The following PLP1 variants were observed in gnomAD, a reference collection of about 807,000 sequenced individuals.
The protein encoded by PLP1 is proteolipid protein 1.
A neutral mutation model predicts 18.5 loss-of-function variants in PLP1; 2 were observed. The observed-to-expected ratio is 0.11, with a 90% CI of 0.04 to 0.34. PLP1 has a LOEUF of 0.34. PLP1 is among the 10% of genes least tolerant of loss of function. PLP1 has a pLI of 1.00. For missense variants in PLP1, 105 were observed against 207.3 expected (o/e 0.51, Z 3.03); for synonymous variants, 86 against 83.2 (o/e 1.03, Z -0.19).
At position 103,786,061 on chromosome X, in the gene PLP1, G is replaced by A. The variant is rs766768168; in HGVS notation, c.191+293G>A. The A allele has an allele frequency of 1.1e-5, 11 of 1,040,476 alleles. No homozygotes were observed. The South Asian group carries it at 1.2e-4, about 11-fold the overall frequency. 85.7% of individuals were successfully genotyped at this position (1,040,476 alleles called of 1,213,427 possible). A position where few individuals can be genotyped will look rare whatever the true frequency, so the allele number is the denominator to read the frequency against. On this transcript the variant is annotated intron_variant, in intron 2 of 6. Transcript: ENST00000621218. ...TATTGCCCAAGTTGGAGCCTCCAGC[G>A]TAGTAGGTATGGAGAAGCCAAGGGA...
Position 103,776,958 on chromosome X carries a change from A to C in PLP1, c.-38A>C, listed in dbSNP as rs766835727. ...AACAAAGTCAGCCACAAAGCAGACT[A>C]GCCAGCCGGCTACAATTGGAGTCAG... On this transcript the variant is annotated 5_prime_UTR_variant, in exon 1 of 7. Transcript: ENST00000621218. 3.3e-6 allele frequency: 4 copies of C among 1,196,191 alleles called. No homozygotes were observed. The South Asian group carries it at 7.1e-5, about 21-fold the overall frequency.
chrX:103,786,191 G>T, intron 2 of PLP1: 1 of 1,129,762 alleles, frequency 8.9e-7, no homozygotes, highest in Non-Finnish European at 1.2e-6. Flanking sequence ...TGTCTGAAGG[G>T]TGGGGCAGGG....
intron 1 of PLP1, among the ~76,000 whole-genome samples, chrX:103,783,952 T>C (rs2074474117): frequency 8.9e-6 from 1 of 112,229 alleles, no homozygotes; most frequent in Non-Finnish European, 1.9e-5. Flanking sequence ...CATATATTTA[T>C]ATATATACAT....
intron 3 of PLP1, chrX:103,787,457 C>T (rs2074506579): frequency 1.3e-5 from 4 of 318,915 alleles, no homozygotes; most frequent in East Asian, 1.3e-4. Flanking sequence ...GTTCTAAGCT[C>T]AGCCTAAGGC....
chrX:103,779,263 G>T (rs895268921), intron 1 of PLP1, among the ~76,000 whole-genome samples: 1 of 112,346 alleles, frequency 8.9e-6, no homozygotes, highest in African/African-American at 3.2e-5. Flanking sequence ...GTTGTCGTCT[G>T]AGAACAGTGG....
chrX:103,778,120 A>G (rs761098066), intron 1 of PLP1, among the ~76,000 whole-genome samples: 19 of 112,113 alleles, frequency 1.7e-4, no homozygotes, highest in Non-Finnish European at 2.8e-4. Context: ...CAGATCTGCT[A>G]CTTATGAACT....
chrX:103,787,611 G>A (rs995401810), intron 3 of PLP1, 187 bp from the exon 4 acceptor site: 5 of 472,915 alleles, frequency 1.1e-5, no homozygotes, highest in African/African-American at 7.2e-5. Context: ...TTATACTGGG[G>A]CCAGTTATCT....
chrX:103,787,944 C>T lies in PLP1; in HGVS notation c.600C>T (p.Leu200=), dbSNP rs779819142. ...AGACCTCTGCCAGTATAGGCAGTCT[C>T]TGTGCTGATGCCAGAATGTATGGTG... The part of the protein sequence containing the change: ...PSKTSASIGS[L]CADARMYGVL... Residue 200 remains leucine (L), a synonymous_variant, in exon 4 of 7, where the codon CTC becomes CTT. Coordinates refer to ENST00000621218, the MANE Select transcript of PLP1 (RefSeq NM_000533.5). 9.1e-6 allele frequency: 11 copies of T among 1,208,217 alleles called. No homozygotes were observed. Among genetic ancestry groups the T allele is most frequent in the Non-Finnish European group, 2.2e-6 (2 of 893,332 alleles).
rs1041593956 is a variant in PLP1, at chrX:103,783,129, C to A, written c.5-2453C>A. On this transcript the variant is annotated intron_variant, in intron 1 of 6. Coordinates refer to ENST00000621218, the MANE Select transcript of PLP1 (RefSeq NM_000533.5). ...TTAACCTGTTGAGAAAGAGGAAGAT[C>A]AATTTCTGGAATGTTTTCTGAGAAC... 3.6e-5 allele frequency among the ~76,000 whole-genome samples: 4 copies of A among 111,428 alleles called. No individual in the cohort carries two copies. In the Admixed American group the frequency reaches 3.8e-4, roughly 11 times the overall value.
intron 3 of PLP1, 79 bp from the exon 4 acceptor site, chrX:103,787,719 A>G: frequency 2.3e-6 from 2 of 863,467 alleles, no homozygotes; most frequent in Non-Finnish European, 3.5e-6. Flanking sequence ...GGCACACGCC[A>G]CTCCAGGATC....
At chrX:103,782,805 C>CG (rs1556260850) in intron 1 of PLP1, among the ~76,000 whole-genome samples, 1 of 85 alleles carries the variant, frequency 0.012, no homozygotes, top group African/African-American at 0.045. Context: ...CCCCACCCCC[C>CG]GGCTGCAGGC....
Position 103,786,632 on chromosome X carries a change from G to T in PLP1, c.359G>T (p.Gly120Val). The change falls in exon 3 of 7, where the codon GGC becomes GTC. Residue 120 changes from glycine to valine, a missense_variant. Transcript: ENST00000621218. ...GGCCTGAGCGCAACGGTAACAGGGGGCCAGAAGGGGAGGGGTTCCAGAGGC... is the reference window on the plus strand; with the variant it reads ...GGCCTGAGCGCAACGGTAACAGGGGTCCAGAAGGGGAGGGGTTCCAGAGGC... ...GKGLSATVTGGQKGRGSRGQH... is the reference protein window; with the variant it reads ...GKGLSATVTGVQKGRGSRGQH... The T allele has an allele frequency of 8.3e-7, 1 of 1,211,419 alleles. No individual in the cohort carries two copies.
intron 1 of PLP1, among the ~76,000 whole-genome samples, chrX:103,784,717 C>G (rs1456175224): frequency 8.9e-6 from 1 of 112,263 alleles, no homozygotes; most frequent in Non-Finnish European, 1.9e-5. Flanking sequence ...CCTGGAACTC[C>G]AAGTGCATTT....
chrX:103,776,635 A>C (rs1161068533), upstream of PLP1: 1 of 233,503 alleles, frequency 4.3e-6, no homozygotes, highest in African/African-American at 2.8e-5. Context: ...TCTGCAGCAA[A>C]GCGAAATTCC....
chrX:103,789,759 C>A (rs777448818), intron 6 of PLP1, among the ~76,000 whole-genome samples: 4 of 111,896 alleles, frequency 3.6e-5, no homozygotes, highest in Non-Finnish European at 7.5e-5. Context: ...TGAAACATCA[C>A]GAAACATGAC....
At chrX:103,785,798 T>C (rs770636465) in intron 2 of PLP1, 30 bp downstream of exon 2, 8 of 1,131,312 alleles carry the variant, frequency 7.1e-6, no homozygotes, top group Non-Finnish European at 8.5e-6. Flanking sequence ...CACAGACCCA[T>C]CTTTTTTTTC....
At chrX:103,777,961 C>T (rs1004939035) in intron 1 of PLP1, among the ~76,000 whole-genome samples, 2 of 112,381 alleles carry the variant, frequency 1.8e-5, no homozygotes, top group Non-Finnish European at 3.8e-5. Flanking sequence ...AGACAACATC[C>T]ACAGAGATCA....
At chrX:103,787,239 T>G (rs2074505085) in intron 3 of PLP1, among the ~76,000 whole-genome samples, 2 of 111,915 alleles carry the variant, frequency 1.8e-5, no homozygotes, top group Admixed American at 9.4e-5. Context: ...TTTTATTGCC[T>G]GAGGGTTATC....
In PLP1 at chrX:103,791,936, T is replaced by C. The variant is rs887728502; in HGVS notation, c.*1338T>C. 22 of 112,247 alleles carry C rather than the reference T, an allele frequency of 2.0e-4. No homozygotes were observed. The highest frequency in any genetic ancestry group is 6.8e-4 in the African/African-American group (21 of 30,872). The allele number at this position is 112,247 out of a possible 1,213,427, so 9.3% of individuals were successfully genotyped here. On this transcript the variant is annotated 3_prime_UTR_variant, in exon 7 of 7. Coordinates refer to ENST00000621218, the MANE Select transcript of PLP1 (RefSeq NM_000533.5). ...ATGATTTTACTTAGCAATGTTATCT[T>C]GGTGTGTTAAGAGTTAGGTTTAACA...
Sources: gnomAD v4.1 joint callset for allele counts (sites outside exome capture counted in the v4.1 genomes callset) on GRCh38, gnomAD v4.1.1 for gene constraint, MANE v1.5 for transcripts, NCBI Gene and HGNC (gene_info 2026-07-23, HGNC 2026-07-21) for gene names.